The following BSN variants were observed in gnomAD, a reference collection of about 807,000 sequenced individuals.
The protein encoded by BSN is protein bassoon.
Under a neutral mutation model 264.8 loss-of-function variants are expected in BSN, and 57 were observed. The ratio of observed to expected loss-of-function variants is 0.22; its 90% confidence interval spans 0.17 to 0.27. BSN has a LOEUF of 0.27. BSN is among the 10% of genes least tolerant of loss of function. The pLI is 1.00. For missense variants in BSN, 4,615 were observed against 5,232.5 expected, an observed-to-expected ratio of 0.88 and a Z score of 3.64; for synonymous variants, 2,059 against 2,137.3, an observed-to-expected ratio of 0.96 and a Z score of 1.01.
At chr3:49,626,472 G>A (rs527711260) in intron 2 of BSN, among the ~76,000 whole-genome samples, 21 of 152,252 alleles carry the variant, frequency 1.4e-4, no homozygotes, top group African/African-American at 3.9e-4. Context: ...AGGAGCTGTC[G>A]GTGTGGGGAG....
chr3:49,647,081 A>G (rs1477708665), intron 3 of BSN, among the ~76,000 whole-genome samples: 1 of 152,232 alleles, frequency 6.6e-6, no homozygotes, highest in Non-Finnish European at 1.5e-5. Flanking sequence ...GCAGCTGGCC[A>G]TAGGGCATTG....
chr3:49,665,655 G>T (rs753613649), intron 11 of BSN, among the ~76,000 whole-genome samples: 1 of 152,230 alleles, frequency 6.6e-6, no homozygotes, highest in Non-Finnish European at 1.5e-5. Flanking sequence ...CTTCTTCCCT[G>T]ATGTCTGCTG....
chr3:49,557,786 C>T (rs757631463), intron 1 of BSN, among the ~76,000 whole-genome samples: 39 of 152,058 alleles, frequency 2.6e-4, no homozygotes, highest in Non-Finnish European at 4.0e-4. Flanking sequence ...ACCGTGGTCT[C>T]GATCTCCTAA....
intron 2 of BSN, among the ~76,000 whole-genome samples, chr3:49,637,901 C>G (rs11710037): frequency 0.28 from 42,705 of 152,190 alleles, 6,541 homozygotes; most frequent in Middle Eastern, 0.31. Context: ...CCCTACCAGT[C>G]CTTGGAGATG....
chr3:49,566,690 G>A (rs1484524273), intron 1 of BSN, among the ~76,000 whole-genome samples: 2 of 151,812 alleles, frequency 1.3e-5, no homozygotes, highest in African/African-American at 4.8e-5. Context: ...GGAGGCTGAG[G>A]TGGGAAGATC....
chr3:49,613,298 C>CAGAGAGAGAGAGAGAG lies in BSN; in HGVS notation c.225-11673_225-11672insAGAGAGAGAGAGAGAG, dbSNP rs1458190477. ...GTTTATATATATATATATACACACA[C>CAGAGAGAGAGAGAGAG]AGAGCGAGAGAGAGAGAGAGAGAGA... is the stretch of plus-strand genomic sequence containing the variant. On this transcript the variant is annotated intron_variant, in intron 1 of 11. Transcript: ENST00000296452. 1.0e-3 allele frequency among the ~76,000 whole-genome samples: 26 copies of CAGAGAGAGAGAGAGAG among 25,640 alleles called. No homozygotes were observed. In the East Asian group the frequency reaches 0.013, roughly 13 times the overall value. 16.8% of individuals were successfully genotyped at this position (25,640 alleles called of 152,430 possible). A position where few individuals can be genotyped will look rare whatever the true frequency, so the allele number is the denominator to read the frequency against.
At position 49,655,373 on chromosome 3, in the gene BSN, C is replaced by T. The variant is rs140450987; in HGVS notation, c.5817C>T (p.Ser1939=). ...ADAAPPGQSS[S]PFYGPRDPEP... is the part of the protein sequence containing the mutation. Reference sequence around the variant, plus strand: ...CTGCCCCACCTGGCCAAAGCAGCAGCCCCTTCTATGGTCCCCGGGACCCTG... The same window carrying T: ...CTGCCCCACCTGGCCAAAGCAGCAGTCCCTTCTATGGTCCCCGGGACCCTG... The change falls in exon 5 of 12, where the codon AGC becomes AGT. Residue 1939 remains serine, a synonymous_variant. Transcript: ENST00000296452. 1 of 1,588,312 alleles carries T rather than the reference C, an allele frequency of 6.3e-7. No homozygotes were observed. The highest frequency in any genetic ancestry group is 8.6e-7 in the Non-Finnish European group (1 of 1,167,066).
Position 49,589,040 on chromosome 3 carries a change from G to A in BSN, c.224+34214G>A, listed in dbSNP as rs187077869. Among the ~76,000 whole-genome samples the A allele has an allele frequency of 1.4e-3, 204 of 149,750 alleles. 2 individuals carry two copies. The highest frequency in any genetic ancestry group is 8.1e-3 in the Admixed American group (122 of 15,054). ...CGCCATTCTCCTGCCTCAGCCTCCC[G>A]AGTAGCTGGGACTACAGGCGCCTGC... On this transcript the variant is annotated intron_variant, in intron 1 of 11. Transcript: ENST00000296452.
chr3:49,655,316 C>T lies in BSN; in HGVS notation c.5760C>T (p.Ala1920=), dbSNP rs185582385. The T allele has an allele frequency of 6.8e-6, 11 of 1,610,612 alleles. No individual in the cohort carries two copies. In the Admixed American group the frequency reaches 1.0e-4, roughly 15 times the overall value. ...GCTGCACTGGCACCTTCCACCCGGC[C>T]CCCAGTGTGCCTGAGAAGAGCATGG... ...GSSCTGTFHP[A]PSVPEKSMAD... The change falls in exon 5 of 12, where the codon GCC becomes GCT. Residue 1920 remains alanine, a synonymous_variant. Coordinates refer to ENST00000296452, the MANE Select transcript of BSN (RefSeq NM_003458.4).
rs1469035370 is a variant in BSN at position 49,660,539 on chromosome 3, C to T, written c.8694C>T (p.Pro2898=). The T allele has an allele frequency of 1.3e-6, 2 of 1,571,806 alleles. No individual in the cohort carries two copies. The highest frequency in any genetic ancestry group is 1.4e-5 in the African/African-American group (1 of 73,960). Residue 2898 remains proline (P), a synonymous_variant, in exon 6 of 12, where the codon CCC becomes CCT. Transcript: ENST00000296452. This position sits in a 1 kb window ranked among gnomAD's most constrained non-coding sequence, Gnocchi z 7.1. ...SLVRKVKRTL[P]SPPPEEAHLP... is the part of the protein sequence containing the mutation. ...TCCGCAAGGTGAAGCGGACACTGCCCAGCCCCCCTCCAGAGGAGGCTCACC... is the reference window on the plus strand; with the variant it reads ...TCCGCAAGGTGAAGCGGACACTGCCTAGCCCCCCTCCAGAGGAGGCTCACC...
intron 1 of BSN, among the ~76,000 whole-genome samples, chr3:49,560,006 C>T (rs1036127760): frequency 1.3e-5 from 2 of 152,196 alleles, no homozygotes; most frequent in East Asian, 1.9e-4. Context: ...CTAAAGATCT[C>T]CTTCCTCTGA....
intron 1 of BSN, among the ~76,000 whole-genome samples, chr3:49,609,856 A>T (rs543007655): frequency 5.3e-5 from 8 of 152,304 alleles, no homozygotes; most frequent in Admixed American, 5.2e-4. Context: ...ATGCCCTTGC[A>T]GGCCCCGGGA....
In BSN at chr3:49,663,003, C is replaced by T. The variant is rs143482665; in HGVS notation, c.10845C>T (p.His3615=). Reference sequence around the variant, plus strand: ...CCCAGAAGCGAGGCCCTGCCAGGCACAGCTACCATGACTACGATGAACCCC... The same window carrying T: ...CCCAGAAGCGAGGCCCTGCCAGGCATAGCTACCATGACTACGATGAACCCC... ...SSSQKRGPAR[H]SYHDYDEPPE... Residue 3615 remains histidine (H), a synonymous_variant, in exon 7 of 12, where the codon CAC becomes CAT. Transcript: ENST00000296452. The T allele has an allele frequency of 2.2e-5, 36 of 1,613,972 alleles. No homozygotes were observed. The highest frequency in any genetic ancestry group is 2.8e-5 in the Non-Finnish European group (33 of 1,180,036).
In BSN at chr3:49,664,809, T is replaced by C. The variant is rs2108100675; in HGVS notation, c.11751T>C (p.Ala3917=). Reference sequence around the variant, plus strand: ...CTTTCTTTGTCACAGCTGTCTCTGCTTTTGGCAAAAAATTTTCCTCATTCT... The same window carrying C: ...CTTTCTTTGTCACAGCTGTCTCTGCCTTTGGCAAAAAATTTTCCTCATTCT... ...QAGKLTEAVS[A]FGKKFSSFW The change falls in exon 10 of 12, where the codon GCT becomes GCC. Residue 3917 remains alanine (A), a synonymous_variant. Coordinates refer to ENST00000296452, the MANE Select transcript of BSN (RefSeq NM_003458.4). 1 of 1,613,800 alleles carries C rather than the reference T, an allele frequency of 6.2e-7. No individual in the cohort carries two copies. The highest frequency in any genetic ancestry group is 8.5e-7 in the Non-Finnish European group (1 of 1,179,984).
intron 1 of BSN, among the ~76,000 whole-genome samples, chr3:49,558,204 A>C (rs1382290756): frequency 6.6e-6 from 1 of 152,212 alleles, no homozygotes; most frequent in African/African-American, 2.4e-5. Context: ...GACTGGGTTA[A>C]GAGAGGTAGA....
At position 49,655,617 on chromosome 3, in the gene BSN, C is replaced by T. The variant is rs1390233166; in HGVS notation, c.6061C>T (p.His2021Tyr). 6.2e-7 allele frequency: 1 copy of T among 1,613,742 alleles called. No individual in the cohort carries two copies. Among genetic ancestry groups the T allele is most frequent in the Admixed American group, 1.7e-5 (1 of 60,026 alleles). Residue 2021 changes from histidine (H) to tyrosine (Y), a missense_variant, in exon 5 of 12, where the codon CAC becomes TAC. By Grantham distance (83) the His-to-Tyr change is moderately conservative (BLOSUM62 2). Around this residue, in one of 3 missense-constraint regions of BSN, gnomAD observed 3,415 missense variants for 3,866.4 expected, o/e 0.88. Transcript: ENST00000296452. ...GGCTATGGACCTCAGCTCACTGAAG[C>T]ACTCCTACAGCCTGGGCTTTGCGGA... ...DSAMDLSSLK[H>Y]SYSLGFADGR...
chr3:49,661,631 T>C lies in BSN; in HGVS notation c.9786T>C (p.Ser3262=), dbSNP rs1209952009. 4 of 1,613,588 alleles carry C rather than the reference T, an allele frequency of 2.5e-6. No individual in the cohort carries two copies. Among genetic ancestry groups the C allele is most frequent in the South Asian group, 1.1e-5 (1 of 91,090 alleles). Residue 3262 remains serine, a synonymous_variant, in exon 6 of 12, where the codon AGT becomes AGC. Coordinates refer to ENST00000296452, the MANE Select transcript of BSN (RefSeq NM_003458.4). ...TGGAGCCCCTGGGGCCAGGCAGCAGTGGGCGTCCAGGGAAGGAGCCTGGAG... is the reference window on the plus strand; with the variant it reads ...TGGAGCCCCTGGGGCCAGGCAGCAGCGGGCGTCCAGGGAAGGAGCCTGGAG... ...QRLEPLGPGS[S]GRPGKEPGEP... is the part of the protein sequence containing the mutation.
chr3:49,614,308 C>T (rs1308151759), intron 1 of BSN, among the ~76,000 whole-genome samples: 1 of 152,164 alleles, frequency 6.6e-6, no homozygotes, highest in Non-Finnish European at 1.5e-5. Context: ...ATCCACCCGC[C>T]TTGGCCTACC....
At chr3:49,619,423 C>G (rs1312708371) in intron 1 of BSN, among the ~76,000 whole-genome samples, 1 of 152,212 alleles carries the variant, frequency 6.6e-6, no homozygotes, top group African/African-American at 2.4e-5. Flanking sequence ...CCCTCTACAG[C>G]TACCCTAGAA....
Sources: allele counts gnomAD v4.1 joint callset (sites outside exome capture counted in the v4.1 genomes callset), GRCh38; gene constraint gnomAD v4.1.1; regional missense constraint gnomAD v4.1.1; non-coding constraint Gnocchi (gnomAD v3.1); transcripts MANE v1.5; gene names NCBI Gene and HGNC (gene_info 2026-07-23, HGNC 2026-07-21).